Variants in PHLPP1 observed in about 807,000 individuals in gnomAD.
PHLPP1 encodes PH domain leucine-rich repeat-containing protein phosphatase 1.
Under a neutral mutation model 117.2 loss-of-function variants are expected in PHLPP1, and 42 were observed. The observed-to-expected ratio is 0.36, with a 90% CI of 0.28 to 0.46. The LOEUF is 0.46. Ranked by LOEUF, PHLPP1 falls within the 20% of genes least tolerant of loss-of-function variation. The probability of loss-of-function intolerance (pLI) is 1.00; values close to 1 mark genes in which losing one functional copy is unlikely to be tolerated. For synonymous variants in PHLPP1, 1,042 were observed against 970.7 expected, an observed-to-expected ratio of 1.07 and a Z score of -1.37; for missense variants, 2,084 against 2,241.9, an observed-to-expected ratio of 0.93 and a Z score of 1.42.
intron 1 of PHLPP1, among the ~76,000 whole-genome samples, chr18:62,749,922 G>A (rs573039448): frequency 6.6e-6 from 1 of 152,274 alleles, no homozygotes; most frequent in African/African-American, 2.4e-5. Context: ...AGGCTGAGAC[G>A]GGAGAATCTC....
intron 4 of PHLPP1, among the ~76,000 whole-genome samples, chr18:62,873,294 G>A (rs934546262): frequency 6.6e-6 from 1 of 152,132 alleles, no homozygotes; most frequent in Non-Finnish European, 1.5e-5. Flanking sequence ...CAACTAAAAT[G>A]TCTTTATCTT....
At chr18:62,749,186 G>A (rs1184459699) in intron 1 of PHLPP1, among the ~76,000 whole-genome samples, 1 of 149,902 alleles carries the variant, frequency 6.7e-6, no homozygotes, top group Non-Finnish European at 1.5e-5. Flanking sequence ...CACATGTTCA[G>A]ATTTACCCAA....
chr18:62,836,997 G>GTT (rs1478804516), intron 2 of PHLPP1, among the ~76,000 whole-genome samples: 1 of 152,080 alleles, frequency 6.6e-6, no homozygotes, highest in East Asian at 1.9e-4. Context: ...GTTTTGTTTT[G>GTT]TTAACACTGG....
Position 62,941,757 on chromosome 18 carries a change from C to G in PHLPP1, c.3000C>G (p.Ser1000Arg), listed in dbSNP as rs1910134958. Residue 1000 changes from serine to arginine, a missense_variant, in exon 11 of 17, where the codon AGC (serine) becomes AGG (arginine). Physicochemically the swap from Ser to Arg is moderately radical, Grantham distance 110. Coordinates refer to ENST00000262719, the MANE Select transcript of PHLPP1 (RefSeq NM_194449.4). ...FLNASANKLESLPPATLSEET... is the reference protein window; with the variant it reads ...FLNASANKLERLPPATLSEET... ...ACGCCTCTGCGAACAAACTGGAAAG[C>G]CTTCCTCCAGCCACGCTTTCCGAAG... is the stretch of plus-strand genomic sequence containing the variant. 6.2e-7 allele frequency: 1 copy of G among 1,613,860 alleles called. No individual in the cohort carries two copies. Among genetic ancestry groups the G allele is most frequent in the South Asian group, 1.1e-5 (1 of 91,050 alleles).
chr18:62,882,216 T>C (rs1280310501), intron 4 of PHLPP1, among the ~76,000 whole-genome samples: 1 of 151,644 alleles, frequency 6.6e-6, no homozygotes, highest in Non-Finnish European at 1.5e-5. Context: ...GAGGAGTTCA[T>C]GGAAAAGGAA....
At chr18:62,875,428 G>C (rs1402684964) in intron 4 of PHLPP1, among the ~76,000 whole-genome samples, 1 of 152,072 alleles carries the variant, frequency 6.6e-6, no homozygotes, top group African/African-American at 2.4e-5. Flanking sequence ...AGTTAAGCCT[G>C]TTTTTGTAAA....
chr18:62,762,955 T>C (rs1418051552), intron 1 of PHLPP1, among the ~76,000 whole-genome samples: 2 of 152,224 alleles, frequency 1.3e-5, no homozygotes, highest in Non-Finnish European at 2.9e-5. Flanking sequence ...CTTAGTGTTT[T>C]TATCCTAGAA....
chr18:62,915,243 G>A (rs1261233513), intron 9 of PHLPP1, among the ~76,000 whole-genome samples: 1 of 152,220 alleles, frequency 6.6e-6, no homozygotes, highest in Non-Finnish European at 1.5e-5. Flanking sequence ...GCAGGCAGTG[G>A]TGCTTGGTGG....
intron 10 of PHLPP1, among the ~76,000 whole-genome samples, chr18:62,935,797 A>G (rs1909951305): frequency 6.6e-6 from 1 of 152,156 alleles, no homozygotes; most frequent in Non-Finnish European, 1.5e-5. Flanking sequence ...TGAGGTCAGG[A>G]GTTCGAGACC....
chr18:62,878,397 A>G (rs1219015568), intron 4 of PHLPP1, among the ~76,000 whole-genome samples: 9 of 152,198 alleles, frequency 5.9e-5, no homozygotes, highest in Non-Finnish European at 1.0e-4. Flanking sequence ...CTTCATGTCA[A>G]ATAAACACAT....
intron 12 of PHLPP1, among the ~76,000 whole-genome samples, chr18:62,949,006 AAAG>A (rs1910376957): frequency 1.3e-5 from 2 of 152,266 alleles, no homozygotes; most frequent in South Asian, 4.1e-4. Flanking sequence ...TTTTAATGTA[AAAG>A]AAGTAATTTC....
chr18:62,717,309 C>G (rs1568092165), intron 1 of PHLPP1, 50 bp downstream of exon 1: 5 of 1,520,006 alleles, frequency 3.3e-6, no homozygotes, highest in Non-Finnish European at 4.4e-6. Context: ...TGCCGAGGAC[C>G]GAGGAGTGAT....
At chr18:62,816,437 C>G (rs1333958493) in intron 1 of PHLPP1, among the ~76,000 whole-genome samples, 2 of 152,026 alleles carry the variant, frequency 1.3e-5, no homozygotes, top group Non-Finnish European at 2.9e-5. Context: ...CATGGTGGCA[C>G]GTGCCTGTAA....
At chr18:62,739,338 T>A (rs1911456092) in intron 1 of PHLPP1, among the ~76,000 whole-genome samples, 1 of 152,224 alleles carries the variant, frequency 6.6e-6, no homozygotes, top group Admixed American at 6.5e-5. Flanking sequence ...GTCAGTTAGC[T>A]GGCAAAGCTA....
At chr18:62,918,766 C>G (rs1215052762) in intron 9 of PHLPP1, among the ~76,000 whole-genome samples, 1 of 151,740 alleles carries the variant, frequency 6.6e-6, no homozygotes, top group African/African-American at 2.4e-5. Context: ...TTCAAGAGAC[C>G]TATTGCGCAG....
At chr18:62,819,869 G>A (rs529874685) in intron 1 of PHLPP1, among the ~76,000 whole-genome samples, 4 of 152,156 alleles carry the variant, frequency 2.6e-5, no homozygotes, top group Admixed American at 6.5e-5. Flanking sequence ...GGCTTTTTTC[G>A]AACTCCTGAC....
At chr18:62,878,850 T>C (rs1392070746) in intron 4 of PHLPP1, among the ~76,000 whole-genome samples, 1 of 152,190 alleles carries the variant, frequency 6.6e-6, no homozygotes, top group African/African-American at 2.4e-5. Context: ...GATAAATATG[T>C]GCATGTTCAG....
chr18:62,855,210 G>A (rs558868035), intron 3 of PHLPP1, among the ~76,000 whole-genome samples: 18 of 152,274 alleles, frequency 1.2e-4, no homozygotes, highest in East Asian at 9.6e-4. Flanking sequence ...AAAGGAAAAC[G>A]CTAGAATAAT....
chr18:62,748,841 C>T (rs180824383), intron 1 of PHLPP1, among the ~76,000 whole-genome samples: 1 of 152,028 alleles, frequency 6.6e-6, no homozygotes, highest in African/African-American at 2.4e-5. Flanking sequence ...TTGTGGCTCC[C>T]CCCAACACAC....
Sources: gnomAD v4.1 joint callset for allele counts (sites outside exome capture counted in the v4.1 genomes callset) on GRCh38, gnomAD v4.1.1 for gene constraint, MANE v1.5 for transcripts, NCBI Gene and HGNC (gene_info 2026-07-23, HGNC 2026-07-21) for gene names.